CDON: variants seen among roughly 807,000 people sequenced by gnomAD.
CDON encodes cell adhesion associated, oncogene regulated.
Under a neutral mutation model 120.9 loss-of-function variants are expected in CDON, and 73 were observed. The ratio of observed to expected loss-of-function variants is 0.60; its 90% confidence interval spans 0.50 to 0.73. The LOEUF is 0.73. CDON is among the 30% of genes least tolerant of loss of function. The probability of loss-of-function intolerance (pLI) is 0.00; values close to 1 mark genes in which losing one functional copy is unlikely to be tolerated. For synonymous variants in CDON, 566 were observed against 573.5 expected, an observed-to-expected ratio of 0.99 and a Z score of 0.19; for missense variants, 1,470 against 1,587.3, an observed-to-expected ratio of 0.93 and a Z score of 1.26.
chr11:126,036,056 T>C (rs1266156214), intron 1 of CDON, among the ~76,000 whole-genome samples: 1 of 152,124 alleles, frequency 6.6e-6, no homozygotes, highest in Non-Finnish European at 1.5e-5. Flanking sequence ...TACACACACA[T>C]ATAAATACAC....
intron 18 of CDON, among the ~76,000 whole-genome samples, chr11:125,965,178 G>T (rs754200214): frequency 6.6e-6 from 1 of 152,152 alleles, no homozygotes; most frequent in Non-Finnish European, 1.5e-5. Context: ...CAATCCACCC[G>T]TCTCTGCCTC....
At chr11:125,965,381 G>A (rs1945766986) in intron 18 of CDON, among the ~76,000 whole-genome samples, 1 of 152,164 alleles carries the variant, frequency 6.6e-6, no homozygotes, top group South Asian at 2.1e-4. Flanking sequence ...GGCTACCAAA[G>A]TACTCGAGGG....
intron 18 of CDON, among the ~76,000 whole-genome samples, chr11:125,975,474 A>G (rs142403939): frequency 3.3e-5 from 5 of 152,312 alleles, no homozygotes; most frequent in Middle Eastern, 3.4e-3. Context: ...AAACTACTAA[A>G]CCTTCACATT....
At chr11:126,012,433 G>A (rs554321085) in intron 7 of CDON, among the ~76,000 whole-genome samples, 7 of 151,606 alleles carry the variant, frequency 4.6e-5, no homozygotes, top group Non-Finnish European at 8.8e-5. Flanking sequence ...ACATAATCTC[G>A]CTCTGTCGCC....
At chr11:126,052,721 G>A (rs1264178355) in intron 1 of CDON, among the ~76,000 whole-genome samples, 2 of 151,788 alleles carry the variant, frequency 1.3e-5, no homozygotes, top group Admixed American at 6.6e-5. Flanking sequence ...TACTTGGGAG[G>A]CTGAGGCAGG....
chr11:125,998,047 G>T (rs995355616), intron 11 of CDON, among the ~76,000 whole-genome samples: 1 of 152,188 alleles, frequency 6.6e-6, no homozygotes, highest in Non-Finnish European at 1.5e-5. Context: ...CAGAAAACAT[G>T]ATCCACGTGA....
At chr11:125,964,098 T>C (rs778556774) in intron 18 of CDON, among the ~76,000 whole-genome samples, 1 of 152,226 alleles carries the variant, frequency 6.6e-6, no homozygotes, top group African/African-American at 2.4e-5. Flanking sequence ...TCCTGCATTT[T>C]GTTCTTAGTC....
chr11:125,979,850 A>G (rs1348551521), intron 17 of CDON, among the ~76,000 whole-genome samples: 1 of 152,240 alleles, frequency 6.6e-6, no homozygotes, highest in East Asian at 1.9e-4. Flanking sequence ...TAGTGAAATC[A>G]TGATTCTCTT....
rs531343718 is a variant in CDON at position 125,976,690 on chromosome 11, A to G, written c.3356+1614T>C. On this transcript the variant is annotated intron_variant, in intron 18 of 19. Coordinates refer to ENST00000531738, the MANE Select transcript of CDON (RefSeq NM_001378964.1). ...AGGTCATTTAAATGGCAGAGGTCAT[A>G]TAAGTCCTTCTAAGGAAATGGGATG... 5.9e-5 allele frequency among the ~76,000 whole-genome samples: 9 copies of G among 152,188 alleles called. No homozygotes were observed. The East Asian group carries it at 1.7e-3, about 29-fold the overall frequency.
intron 1 of CDON, among the ~76,000 whole-genome samples, chr11:126,023,801 A>G (rs1402857831): frequency 6.6e-6 from 1 of 152,248 alleles, no homozygotes; most frequent in Non-Finnish European, 1.5e-5. Context: ...TCAACTGCCT[A>G]TAATGCATTT....
chr11:126,054,574 T>C (rs912345393), intron 1 of CDON, among the ~76,000 whole-genome samples: 5 of 152,212 alleles, frequency 3.3e-5, no homozygotes. Context: ...AAATCATTCA[T>C]GGATCTAGAG....
intron 14 of CDON, among the ~76,000 whole-genome samples, chr11:125,992,214 C>T (rs182623124): frequency 2.0e-5 from 3 of 152,266 alleles, no homozygotes; most frequent in Admixed American, 2.0e-4. Flanking sequence ...AAGACCTAGA[C>T]AGGCCCCAAA....
chr11:126,000,276 T>C (rs781410792), intron 11 of CDON, among the ~76,000 whole-genome samples: 2 of 152,176 alleles, frequency 1.3e-5, no homozygotes, highest in African/African-American at 2.4e-5. Context: ...GGAACAATCA[T>C]AGCTCACTGC....
intron 7 of CDON, among the ~76,000 whole-genome samples, chr11:126,013,520 A>G (rs1395769588): frequency 6.6e-6 from 1 of 151,786 alleles, no homozygotes; most frequent in East Asian, 1.9e-4. Context: ...CTTTTCAGTC[A>G]GCATTGCTAA....
chr11:125,989,411 C>T (rs1241767146), intron 15 of CDON, among the ~76,000 whole-genome samples: 1 of 152,168 alleles, frequency 6.6e-6, no homozygotes, highest in Admixed American at 6.5e-5. Context: ...TGGTGCGCAC[C>T]TGCAGCCCCA....
chr11:126,015,351 T>C lies in CDON; in HGVS notation c.1088A>G (p.Asn363Ser). 1 of 1,614,180 alleles carries C rather than the reference T, an allele frequency of 6.2e-7. No homozygotes were observed. Among genetic ancestry groups the C allele is most frequent in the South Asian group, 1.1e-5 (1 of 91,082 alleles). The change falls in exon 7 of 20, where the codon AAC becomes AGC. Residue 363 changes from asparagine (N) to serine (S), a missense_variant. Asn to Ser is a conservative substitution (Grantham distance 46). Coordinates refer to ENST00000531738, the MANE Select transcript of CDON (RefSeq NM_001378964.1). ...AGTAACCCCACTGATTTTCAGTCCG[T>C]TTCCTGCAGTTAGATGTCGTGCAGA... ...HPSARHLTAG[N>S]GLKISGVTVE...
At chr11:126,022,671 A>G (rs7933120) in intron 2 of CDON, among the ~76,000 whole-genome samples, 3,610 of 152,294 alleles carry the variant, frequency 0.024, 146 homozygotes, top group African/African-American at 0.082. Context: ...CTTTTGGCTG[A>G]ATCTGGGGTG....
chr11:126,030,251 G>T (rs1241202655), intron 1 of CDON, among the ~76,000 whole-genome samples: 1 of 152,202 alleles, frequency 6.6e-6, no homozygotes, highest in African/African-American at 2.4e-5. Flanking sequence ...TTCAGGTTGT[G>T]AACTTATTGC....
At chr11:126,041,050 G>A (rs761178897) in intron 1 of CDON, among the ~76,000 whole-genome samples, 4 of 150,802 alleles carry the variant, frequency 2.7e-5, no homozygotes, top group East Asian at 2.0e-4. Context: ...TTAGCCAGGC[G>A]TGGTGGTGCA....
Sources: gnomAD v4.1 joint callset for allele counts (sites outside exome capture counted in the v4.1 genomes callset) on GRCh38, gnomAD v4.1.1 for gene constraint, MANE v1.5 for transcripts, NCBI Gene and HGNC (gene_info 2026-07-23, HGNC 2026-07-21) for gene names.